PCYT1B: variants seen among roughly 807,000 people sequenced by gnomAD.
The protein encoded by PCYT1B is phosphate cytidylyltransferase 1B, choline, also known as choline-phosphate cytidylyltransferase B.
PCYT1B carries 10 observed loss-of-function variants against 26.4 expected under a neutral mutation model. That is an observed-to-expected ratio of 0.38 (90% CI 0.23 to 0.64). The LOEUF (loss-of-function observed/expected upper bound fraction) is 0.64. Ranked by LOEUF, PCYT1B falls within the 30% of genes least tolerant of loss-of-function variation. PCYT1B has a pLI of 0.56. For synonymous variants in PCYT1B, 131 were observed against 108.4 expected, an observed-to-expected ratio of 1.21 and a Z score of -1.29; for missense variants, 161 against 292.7, an observed-to-expected ratio of 0.55 and a Z score of 3.28.
At chrX:24,628,893 T>C (rs1385283651) in intron 1 of PCYT1B, among the ~76,000 whole-genome samples, 1 of 112,149 alleles carries the variant, frequency 8.9e-6, no homozygotes, top group South Asian at 3.7e-4. Flanking sequence ...ATTACTTAGA[T>C]CAGGGGTATG....
intron 1 of PCYT1B, among the ~76,000 whole-genome samples, chrX:24,661,795 G>A (rs1418368084): frequency 8.9e-6 from 1 of 112,169 alleles, no homozygotes; most frequent in East Asian, 2.8e-4. Flanking sequence ...AAATGACAAT[G>A]TTTATAAAAC....
intron 5 of PCYT1B, among the ~76,000 whole-genome samples, chrX:24,582,505 C>G (rs1924238503): frequency 8.9e-6 from 1 of 112,218 alleles, no homozygotes; most frequent in South Asian, 3.7e-4. Flanking sequence ...GATCAGAGAA[C>G]CTTTTTTATC....
intron 6 of PCYT1B, among the ~76,000 whole-genome samples, chrX:24,576,396 C>T (rs780899245): frequency 9.9e-5 from 11 of 111,420 alleles, no homozygotes; most frequent in Admixed American, 1.9e-4. Flanking sequence ...CTCTGCCTCC[C>T]GGGTTCAAGC....
chrX:24,590,206 C>T lies in PCYT1B; in HGVS notation c.335-32G>A, dbSNP rs749653984. On this transcript the variant is annotated intron_variant, in intron 3 of 7. Coordinates refer to ENST00000379144, the MANE Select transcript of PCYT1B (RefSeq NM_004845.5). Reference sequence around the variant, plus strand: ...CAGGCAAATGCATTAAATGCCATTACTCGGCCCAGGACCTGCTCACAGCCA... The same window carrying T: ...CAGGCAAATGCATTAAATGCCATTATTCGGCCCAGGACCTGCTCACAGCCA... The T allele has an allele frequency of 8.4e-6, 10 of 1,188,551 alleles. No individual in the cohort carries two copies. In the South Asian group the frequency reaches 1.1e-4, roughly 13 times the overall value.
At chrX:24,579,188 A>C (rs866314166) in intron 6 of PCYT1B, 128 bp downstream of exon 6, 42 of 433,350 alleles carry the variant, frequency 9.7e-5, no homozygotes, top group Middle Eastern at 1.6e-3. Context: ...TCTCTACACA[A>C]AAAAAAAAAA....
chrX:24,651,596 T>C (rs1926784067), upstream of PCYT1B, among the ~76,000 whole-genome samples: 1 of 97,323 alleles, frequency 1.0e-5, no homozygotes, highest in African/African-American at 3.8e-5. Context: ...AGTCACGTGA[T>C]CACAGCAGCC....
chrX:24,650,238 T>A (rs1425985996), upstream of PCYT1B: 1 of 111,248 alleles, frequency 9.0e-6, no homozygotes, highest in South Asian at 3.8e-4. Context: ...GAGCTAAATA[T>A]TCCATAAGGG....
chrX:24,611,040 G>T (rs781155157), intron 2 of PCYT1B, among the ~76,000 whole-genome samples: 1 of 111,917 alleles, frequency 8.9e-6, no homozygotes, highest in African/African-American at 3.2e-5. Flanking sequence ...TTTCAGGTAA[G>T]ATCATGATAC....
At chrX:24,592,615 C>A (rs1202129244) in intron 3 of PCYT1B, among the ~76,000 whole-genome samples, 1 of 111,131 alleles carries the variant, frequency 9.0e-6, no homozygotes, top group East Asian at 2.8e-4. Context: ...TCTCATTGGC[C>A]AGAATGAGCC....
intron 5 of PCYT1B, among the ~76,000 whole-genome samples, chrX:24,584,079 A>C (rs1200271871): frequency 1.8e-5 from 2 of 112,146 alleles, no homozygotes; most frequent in Non-Finnish European, 3.8e-5. Context: ...TCATAGCTAT[A>C]ATCCCAGCAC....
intron 5 of PCYT1B, among the ~76,000 whole-genome samples, chrX:24,583,134 C>T (rs1005650793): frequency 1.8e-5 from 2 of 112,247 alleles, no homozygotes; most frequent in Non-Finnish European, 1.9e-5. Flanking sequence ...ACCAAATGAA[C>T]GTGGCAAAAG....
At chrX:24,577,039 C>T (rs1272788914) in intron 6 of PCYT1B, among the ~76,000 whole-genome samples, 1 of 111,811 alleles carries the variant, frequency 8.9e-6, no homozygotes, top group Non-Finnish European at 1.9e-5. Flanking sequence ...CACAGAATAG[C>T]TGAATGAGCA....
At chrX:24,624,264 C>T (rs1022159985) in intron 1 of PCYT1B, among the ~76,000 whole-genome samples, 5 of 111,673 alleles carry the variant, frequency 4.5e-5, no homozygotes, top group South Asian at 3.7e-4. Flanking sequence ...CCACCGCGCC[C>T]GGCCAAGCTA....
At chrX:24,621,082 T>G (rs1195198767) in intron 1 of PCYT1B, among the ~76,000 whole-genome samples, 1 of 112,188 alleles carries the variant, frequency 8.9e-6, no homozygotes, top group African/African-American at 3.2e-5. Context: ...ATTGGCCAAG[T>G]TCATCTTTTC....
intron 7 of PCYT1B, among the ~76,000 whole-genome samples, chrX:24,568,538 G>A (rs1923709803): frequency 9.0e-6 from 1 of 110,888 alleles, no homozygotes; most frequent in Non-Finnish European, 1.9e-5. Flanking sequence ...GGCAACAAAG[G>A]AAGACCCTGT....
At chrX:24,631,432 C>T (rs1483541416) in intron 1 of PCYT1B, among the ~76,000 whole-genome samples, 1 of 111,600 alleles carries the variant, frequency 9.0e-6, no homozygotes, top group African/African-American at 3.3e-5. Context: ...ATGGGCAAGA[C>T]AATCCATTAG....
intron 1 of PCYT1B, among the ~76,000 whole-genome samples, chrX:24,653,341 T>G (rs1926825180): frequency 9.0e-6 from 1 of 111,352 alleles, no homozygotes; most frequent in Non-Finnish European, 1.9e-5. Context: ...TGCATCTCTC[T>G]GCCTGAGGGC....
Position 24,564,362 on chromosome X carries a change from G to GT in PCYT1B, c.898-1858dup, listed in dbSNP as rs199509538. 0.024 allele frequency among the ~76,000 whole-genome samples: 1,980 copies of GT among 83,107 alleles called. 61 individuals are homozygous for GT. The East Asian group carries it at 0.25, about 11-fold the overall frequency. 72.2% of individuals were successfully genotyped at this position (83,107 alleles called of 115,157 possible). A position where few individuals can be genotyped will look rare whatever the true frequency, so the allele number is the denominator to read the frequency against. On this transcript the variant is annotated intron_variant, in intron 7 of 7. Coordinates refer to ENST00000379144, the MANE Select transcript of PCYT1B (RefSeq NM_004845.5). ...AGTTTTTGTTTTGTTTTGTTTTTTT[G>GT]TTTTTTTGTTTTTTGTTTTTTTTTG...
chrX:24,629,573 AAAAAAAAAAAAAAAAAAC>A (rs1293774266), intron 1 of PCYT1B, among the ~76,000 whole-genome samples: 1 of 99,429 alleles, frequency 1.0e-5, no homozygotes, highest in Non-Finnish European at 2.1e-5. Flanking sequence ...AAAAAAAAAA[AAAAAAAAAAAAAAAAAAC>A]AACACGTATT....
Sources: gnomAD v4.1 joint callset for allele counts (sites outside exome capture counted in the v4.1 genomes callset) on GRCh38, gnomAD v4.1.1 for gene constraint, MANE v1.5 for transcripts, NCBI Gene and HGNC (gene_info 2026-07-23, HGNC 2026-07-21) for gene names.